The following SORCS2 variants were observed in gnomAD, a reference collection of about 807,000 sequenced individuals.
SORCS2 encodes sortilin related VPS10 domain containing receptor 2.
In SORCS2, 100 loss-of-function variants were observed where a neutral mutation model predicts 141.6. The observed-to-expected ratio is 0.71, with a 90% CI of 0.60 to 0.83. The LOEUF is 0.83. Ranked by LOEUF, SORCS2 falls within the 40% of genes least tolerant of loss-of-function variation. The pLI is 0.00. For synonymous variants in SORCS2, 789 were observed against 676.9 expected, an observed-to-expected ratio of 1.17 and a Z score of -2.57; for missense variants, 1,646 against 1,560.2, an observed-to-expected ratio of 1.05 and a Z score of -0.93.
chr4:7,640,316 G>A (rs1720626333), intron 4 of SORCS2, among the ~76,000 whole-genome samples: 1 of 151,190 alleles, frequency 6.6e-6, no homozygotes, highest in Non-Finnish European at 1.5e-5. Context: ...GTGTGTGGGT[G>A]TGTATGAGCA....
intron 14 of SORCS2, among the ~76,000 whole-genome samples, chr4:7,707,615 A>G (rs1725552394): frequency 6.6e-6 from 1 of 152,180 alleles, no homozygotes; most frequent in African/African-American, 2.4e-5. Context: ...ATCTGATCCC[A>G]TCTGCAGGGT....
At chr4:7,514,632 G>T (rs1732864371) in intron 2 of SORCS2, among the ~76,000 whole-genome samples, 1 of 152,050 alleles carries the variant, frequency 6.6e-6, no homozygotes, top group Non-Finnish European at 1.5e-5. Flanking sequence ...CCCTGAGGTG[G>T]GACCCTGTGT....
At chr4:7,597,679 G>A (rs1717371578) in intron 3 of SORCS2, among the ~76,000 whole-genome samples, 2 of 143,874 alleles carry the variant, frequency 1.4e-5, no homozygotes, top group Admixed American at 7.1e-5. Context: ...AGAGGGAGGG[G>A]CTACACAATG....
chr4:7,513,419 C>T (rs1215556756), intron 2 of SORCS2, among the ~76,000 whole-genome samples: 1 of 152,186 alleles, frequency 6.6e-6, no homozygotes, highest in East Asian at 1.9e-4. Context: ...GGAGTGAGGG[C>T]TTGGCAGGGC....
chr4:7,537,091 C>T (rs1012419546), intron 3 of SORCS2, among the ~76,000 whole-genome samples: 2 of 152,230 alleles, frequency 1.3e-5, no homozygotes, highest in African/African-American at 2.4e-5. Context: ...CCTGTGTCTG[C>T]GCAAGCACAG....
intron 1 of SORCS2, among the ~76,000 whole-genome samples, chr4:7,224,827 CCT>C (rs1193429365): frequency 3.3e-5 from 5 of 152,206 alleles, no homozygotes; most frequent in Non-Finnish European, 7.3e-5. Flanking sequence ...GGGGCTTGGT[CCT>C]CTCTCATGAG....
At chr4:7,728,969 C>G (rs924363513) in intron 22 of SORCS2, among the ~76,000 whole-genome samples, 2 of 152,214 alleles carry the variant, frequency 1.3e-5, no homozygotes, top group African/African-American at 4.8e-5. Context: ...CTGAGGCTAT[C>G]ACAGGCTGAG....
chr4:7,298,128 G>A (rs1210650707), intron 1 of SORCS2, among the ~76,000 whole-genome samples: 1 of 152,224 alleles, frequency 6.6e-6, no homozygotes. Flanking sequence ...GACGGGGCTG[G>A]GGACAGAGGG....
chr4:7,736,749 G>A (rs1283442733), intron 25 of SORCS2, among the ~76,000 whole-genome samples: 1 of 152,154 alleles, frequency 6.6e-6, no homozygotes, highest in Admixed American at 6.5e-5. Flanking sequence ...GGGGGAAAGA[G>A]GATATCATGC....
chr4:7,555,091 G>A (rs761646738), intron 3 of SORCS2, among the ~76,000 whole-genome samples: 1 of 152,162 alleles, frequency 6.6e-6, no homozygotes, highest in Admixed American at 6.5e-5. Flanking sequence ...GTTTCTCTCT[G>A]GATACTGGAG....
chr4:7,723,841 A>C lies in SORCS2; in HGVS notation c.2569A>C (p.Thr857Pro). Residue 857 changes from threonine to proline, a missense_variant, in exon 19 of 27, where the codon ACG (threonine) becomes CCG (proline). Thr to Pro is a conservative substitution (Grantham distance 38, BLOSUM62 -1). Coordinates refer to ENST00000507866, the MANE Select transcript of SORCS2 (RefSeq NM_020777.3). ...IYRVSVRAENTAGHDEAVLFV... is the reference protein window; with the variant it reads ...IYRVSVRAENPAGHDEAVLFV... ...CCGCGTGTCCGTCAGGGCAGAGAAC[A>C]CGGCAGGCCACGATGAGGCGGTGCT... 1 of 1,612,248 alleles carries C rather than the reference A, an allele frequency of 6.2e-7. No homozygotes were observed. Among genetic ancestry groups the C allele is most frequent in the South Asian group, 1.1e-5 (1 of 91,076 alleles).
chr4:7,540,217 T>C (rs948302233), intron 3 of SORCS2, among the ~76,000 whole-genome samples: 1 of 104,424 alleles, frequency 9.6e-6, no homozygotes, highest in East Asian at 3.3e-4. Flanking sequence ...TGCCCCTGCC[T>C]CTGCCTCTCC....
chr4:7,681,997 A>G (rs965221377), intron 9 of SORCS2, among the ~76,000 whole-genome samples: 19 of 152,232 alleles, frequency 1.2e-4, no homozygotes, highest in Admixed American at 3.3e-4. Flanking sequence ...AATACGGGTC[A>G]AAACCCTCCA....
chr4:7,576,440 G>C (rs920211084), intron 3 of SORCS2, among the ~76,000 whole-genome samples: 1 of 152,210 alleles, frequency 6.6e-6, no homozygotes, highest in African/African-American at 2.4e-5. Flanking sequence ...AAACGACAAA[G>C]CAAGTCACAA....
chr4:7,464,278 A>G (rs80070915), intron 2 of SORCS2, among the ~76,000 whole-genome samples: 25 of 152,320 alleles, frequency 1.6e-4, no homozygotes, highest in African/African-American at 5.8e-4. Context: ...AGAAGTCTCC[A>G]TGGAGGTGGA....
At chr4:7,523,243 G>A (rs1178656281) in intron 2 of SORCS2, among the ~76,000 whole-genome samples, 1 of 152,150 alleles carries the variant, frequency 6.6e-6, no homozygotes, top group Non-Finnish European at 1.5e-5. Context: ...TAAGGAAGAT[G>A]TACAGGAATT....
chr4:7,707,924 C>T (rs769517557), intron 14 of SORCS2, among the ~76,000 whole-genome samples: 10 of 148,238 alleles, frequency 6.7e-5, no homozygotes, highest in Admixed American at 1.3e-4. Flanking sequence ...CACACAGCTC[C>T]GCCCCCGTCT....
At chr4:7,278,059 C>A (rs1715623623) in intron 1 of SORCS2, among the ~76,000 whole-genome samples, 1 of 152,172 alleles carries the variant, frequency 6.6e-6, no homozygotes, top group Admixed American at 6.5e-5. Flanking sequence ...CACAGAGAGG[C>A]TCAGCAATTG....
intron 2 of SORCS2, among the ~76,000 whole-genome samples, chr4:7,417,944 A>C (rs1725803772): frequency 6.6e-6 from 1 of 152,218 alleles, no homozygotes. Context: ...AGAGTGAGCC[A>C]GCAGAAGGCT....
Sources: gnomAD v4.1 joint callset for allele counts (sites outside exome capture counted in the v4.1 genomes callset) on GRCh38, gnomAD v4.1.1 for gene constraint, MANE v1.5 for transcripts, NCBI Gene and HGNC (gene_info 2026-07-23, HGNC 2026-07-21) for gene names.